The following COL19A1 variants were observed in gnomAD, a reference collection of about 807,000 sequenced individuals.
COL19A1 encodes the protein collagen type XIX alpha 1 chain, also known as collagen alpha-1(XIX) chain.
COL19A1 carries 159 observed loss-of-function variants against 190.2 expected under a neutral mutation model. The observed-to-expected ratio is 0.84, with a 90% CI of 0.73 to 0.95. The LOEUF (loss-of-function observed/expected upper bound fraction) is 0.95. COL19A1 is among the 40% of genes least tolerant of loss of function. The pLI is 0.00. For missense variants in COL19A1, 1,418 were observed against 1,431.9 expected, an observed-to-expected ratio of 0.99 and a Z score of 0.16; for synonymous variants, 509 against 458.9, an observed-to-expected ratio of 1.11 and a Z score of -1.39.
intron 1 of COL19A1, among the ~76,000 whole-genome samples, chr6:69,878,407 G>A (rs1161313487): frequency 6.6e-6 from 1 of 151,802 alleles, no homozygotes; most frequent in African/African-American, 2.4e-5. Flanking sequence ...GTAGAGAAGG[G>A]GTTTCTCCAT....
intron 15 of COL19A1, among the ~76,000 whole-genome samples, chr6:70,075,477 C>T (rs964728548): frequency 1.3e-5 from 2 of 152,162 alleles, no homozygotes; most frequent in African/African-American, 4.8e-5. Flanking sequence ...CCTTCAAGGG[C>T]GTAGTTGTGC....
At chr6:70,167,934 T>C in intron 37 of COL19A1, 91 bp from the exon 38 acceptor site, 2 of 902,964 alleles carry the variant, frequency 2.2e-6, no homozygotes, top group South Asian at 4.0e-5. Flanking sequence ...AAAAATAGAA[T>C]AGGAATAGTA....
chr6:69,995,777 ATTGATACCTACATTTGTAG>A (rs1307446104), intron 11 of COL19A1, among the ~76,000 whole-genome samples: 1 of 152,196 alleles, frequency 6.6e-6, no homozygotes, highest in Non-Finnish European at 1.5e-5. Context: ...TGTACAATCT[ATTGATACCTACATTTGTAG>A]TTACTAAAGG....
intron 19 of COL19A1, 47 bp downstream of exon 19, chr6:70,137,794 G>A (rs1785962498): frequency 1.3e-6 from 2 of 1,583,828 alleles, no homozygotes; most frequent in Admixed American, 3.4e-5. Context: ...CTAAAAAACG[G>A]GATTAAAAAT....
At chr6:69,940,071 A>G (rs1397882316) in intron 9 of COL19A1, among the ~76,000 whole-genome samples, 1 of 147,822 alleles carries the variant, frequency 6.8e-6, no homozygotes, top group Non-Finnish European at 1.5e-5. Flanking sequence ...TACCCTGCCC[A>G]CTGAAAAAAA....
chr6:70,160,600 T>A (rs1332034432), intron 34 of COL19A1, among the ~76,000 whole-genome samples: 2 of 152,174 alleles, frequency 1.3e-5, no homozygotes, highest in African/African-American at 4.8e-5. Context: ...CAGAATATCA[T>A]GTTTTGCCAC....
chr6:70,010,120 G>A (rs1208095287), intron 11 of COL19A1, among the ~76,000 whole-genome samples: 1 of 151,994 alleles, frequency 6.6e-6, no homozygotes, highest in Non-Finnish European at 1.5e-5. Context: ...ACTGCCAGGA[G>A]AATAAAAAGA....
rs566536974 is a variant in COL19A1, at chr6:69,926,821, A to T, written c.267-1088A>T. ...AAAGAGATCCACACTTAGTCACATG[A>T]TAACCAAACTGCCAAAAGTCAAAGA... On this transcript the variant is annotated intron_variant, in intron 4 of 50. Coordinates refer to ENST00000620364, the MANE Select transcript of COL19A1 (RefSeq NM_001858.6). Among the ~76,000 whole-genome samples the T allele has an allele frequency of 2.6e-5, 4 of 152,272 alleles. No homozygotes were observed. The East Asian group carries it at 7.7e-4, about 29-fold the overall frequency.
intron 14 of COL19A1, among the ~76,000 whole-genome samples, chr6:70,039,328 A>G (rs1270439744): frequency 2.0e-5 from 3 of 152,194 alleles, no homozygotes; most frequent in Non-Finnish European, 4.4e-5. Flanking sequence ...TACTCATTAC[A>G]CTAGTATTTA....
intron 4 of COL19A1, among the ~76,000 whole-genome samples, chr6:69,924,665 T>A (rs1332874284): frequency 1.3e-5 from 2 of 152,218 alleles, no homozygotes; most frequent in African/African-American, 4.8e-5. Flanking sequence ...CGCCACACTC[T>A]CTTCCACAAT....
intron 4 of COL19A1, among the ~76,000 whole-genome samples, chr6:69,927,022 A>G (rs1458132247): frequency 2.6e-5 from 4 of 152,144 alleles, no homozygotes; most frequent in African/African-American, 9.6e-5. Flanking sequence ...ATCCAGCAAA[A>G]CTATCCTTCA....
chr6:69,949,539 A>C (rs994155492), intron 9 of COL19A1, among the ~76,000 whole-genome samples: 1 of 151,916 alleles, frequency 6.6e-6, no homozygotes, highest in Non-Finnish European at 1.5e-5. Flanking sequence ...TTAAATTTCA[A>C]AATTTTAAAA....
At chr6:69,962,787 C>G (rs977993762) in intron 10 of COL19A1, 39 bp from the exon 11 acceptor site, 1 of 1,427,144 alleles carries the variant, frequency 7.0e-7, no homozygotes, top group East Asian at 2.4e-5. Context: ...TTATAAGTAT[C>G]ATTTTTATTA....
chr6:69,983,309 T>G (rs1776150500), intron 11 of COL19A1, among the ~76,000 whole-genome samples: 1 of 152,154 alleles, frequency 6.6e-6, no homozygotes, highest in South Asian at 2.1e-4. Context: ...AACTTCCAAT[T>G]GCTTCTAGTA....
chr6:69,889,121 C>T (rs995340073), intron 2 of COL19A1, among the ~76,000 whole-genome samples: 1 of 152,160 alleles, frequency 6.6e-6, no homozygotes, highest in Non-Finnish European at 1.5e-5. Flanking sequence ...TCTTTATCTT[C>T]CCCAACTCTA....
At chr6:70,064,406 A>T (rs1781044881) in intron 14 of COL19A1, among the ~76,000 whole-genome samples, 1 of 152,218 alleles carries the variant, frequency 6.6e-6, no homozygotes, top group Admixed American at 6.5e-5. Flanking sequence ...GACAAAATTC[A>T]ACAGCCCTTC....
chr6:70,016,656 A>G (rs928087860), intron 11 of COL19A1, among the ~76,000 whole-genome samples: 1 of 152,076 alleles, frequency 6.6e-6, no homozygotes, highest in Non-Finnish European at 1.5e-5. Context: ...GACTTGTATC[A>G]ATAATACATA....
chr6:70,007,326 C>T (rs1449653898), intron 11 of COL19A1, among the ~76,000 whole-genome samples: 1 of 151,956 alleles, frequency 6.6e-6, no homozygotes, highest in Non-Finnish European at 1.5e-5. Context: ...TATATACTAT[C>T]TACAAGAGAT....
intron 14 of COL19A1, among the ~76,000 whole-genome samples, chr6:70,065,167 A>G (rs1253617860): frequency 6.6e-6 from 1 of 152,234 alleles, no homozygotes; most frequent in East Asian, 1.9e-4. Flanking sequence ...CTAAGCCAAA[A>G]GAACAAAGCT....
Sources: gnomAD v4.1 joint callset for allele counts (sites outside exome capture counted in the v4.1 genomes callset) on GRCh38, gnomAD v4.1.1 for gene constraint, MANE v1.5 for transcripts, NCBI Gene and HGNC (gene_info 2026-07-23, HGNC 2026-07-21) for gene names.